Variants in CDH18 observed in about 807,000 individuals in gnomAD.
CDH18 encodes the protein cadherin 18, also known as cadherin-18.
A neutral mutation model predicts 67.9 loss-of-function variants in CDH18; 31 were observed. The observed-to-expected ratio is 0.46, with a 90% CI of 0.34 to 0.62. The LOEUF is 0.62. CDH18 is among the 20% of genes least tolerant of loss of function. The probability of loss-of-function intolerance (pLI) is 0.01; values close to 1 mark genes in which losing one functional copy is unlikely to be tolerated. For synonymous variants in CDH18, 362 were observed against 347.2 expected, an observed-to-expected ratio of 1.04 and a Z score of -0.48; for missense variants, 890 against 975.5, an observed-to-expected ratio of 0.91 and a Z score of 1.17.
At chr5:20,002,358 C>T (rs961406489) in intron 2 of CDH18, among the ~76,000 whole-genome samples, 3 of 152,158 alleles carry the variant, frequency 2.0e-5, no homozygotes, top group Non-Finnish European at 4.4e-5. Flanking sequence ...TAGAGACTAA[C>T]TTCAGTCAAA....
At chr5:19,479,684 T>A (rs975572471) in intron 12 of CDH18, among the ~76,000 whole-genome samples, 1 of 152,068 alleles carries the variant, frequency 6.6e-6, no homozygotes, top group Non-Finnish European at 1.5e-5. Context: ...ATATCTAGGA[T>A]AAGGAGCAGT....
At chr5:20,398,745 CTA>C (rs1745496964) in intron 1 of CDH18, among the ~76,000 whole-genome samples, 1 of 149,536 alleles carries the variant, frequency 6.7e-6, no homozygotes, top group Admixed American at 6.6e-5. Context: ...ACACGTATAC[CTA>C]CATAAAAAAC....
At chr5:20,491,640 C>T (rs1015709368) in intron 1 of CDH18, among the ~76,000 whole-genome samples, 8 of 152,262 alleles carry the variant, frequency 5.3e-5, no homozygotes, top group East Asian at 3.9e-4. Flanking sequence ...GCAGAATTTC[C>T]GCTTGCTCAA....
At chr5:20,455,842 C>G (rs969632428) in intron 1 of CDH18, among the ~76,000 whole-genome samples, 19 of 152,146 alleles carry the variant, frequency 1.2e-4, no homozygotes, top group Non-Finnish European at 2.2e-4. Flanking sequence ...TTATTCCTTT[C>G]TCATGTCTTT....
chr5:20,527,813 A>G (rs1316041267), intron 1 of CDH18, among the ~76,000 whole-genome samples: 1 of 152,266 alleles, frequency 6.6e-6, no homozygotes, highest in African/African-American at 2.4e-5. Context: ...AACACAGTGA[A>G]GTACACAGGC....
chr5:20,539,557 G>C (rs1378094102), intron 1 of CDH18, among the ~76,000 whole-genome samples: 1 of 152,106 alleles, frequency 6.6e-6, no homozygotes, highest in Non-Finnish European at 1.5e-5. Flanking sequence ...GGAGGTAATG[G>C]AAGTTGATGG....
intron 1 of CDH18, among the ~76,000 whole-genome samples, chr5:20,343,987 T>C (rs1306863227): frequency 6.6e-6 from 1 of 152,150 alleles, no homozygotes; most frequent in Non-Finnish European, 1.5e-5. Context: ...TCCAATGCAC[T>C]TGAGGAACCT....
At chr5:19,554,010 CT>C (rs1231033321) in intron 8 of CDH18, among the ~76,000 whole-genome samples, 1 of 151,956 alleles carries the variant, frequency 6.6e-6, no homozygotes, top group African/African-American at 2.4e-5. Flanking sequence ...TTATGATTCC[CT>C]TTGTTAACAT....
At chr5:20,559,882 A>C (rs1758105560) in intron 1 of CDH18, among the ~76,000 whole-genome samples, 1 of 152,128 alleles carries the variant, frequency 6.6e-6, no homozygotes, top group South Asian at 2.1e-4. Context: ...TTAATTAGGG[A>C]GATGTGCAGG....
At chr5:20,350,510 G>A (rs1044088436) in intron 1 of CDH18, among the ~76,000 whole-genome samples, 4 of 151,938 alleles carry the variant, frequency 2.6e-5, no homozygotes, top group Non-Finnish European at 5.9e-5. Context: ...CTTCATAAAG[G>A]TAATTACTTT....
intron 11 of CDH18, among the ~76,000 whole-genome samples, chr5:19,495,737 A>AG (rs1478514873): frequency 1.3e-5 from 2 of 148,646 alleles, no homozygotes; most frequent in Non-Finnish European, 1.5e-5. Flanking sequence ...AAAAAAAAAA[A>AG]AAAAAGAAAG....
chr5:19,479,243 A>T (rs1738994386), intron 12 of CDH18, among the ~76,000 whole-genome samples: 1 of 152,188 alleles, frequency 6.6e-6, no homozygotes, highest in Non-Finnish European at 1.5e-5. Context: ...CCATTTTCAC[A>T]AACAAGAAGC....
At chr5:20,274,139 A>G (rs1251188027) in intron 1 of CDH18, among the ~76,000 whole-genome samples, 2 of 152,162 alleles carry the variant, frequency 1.3e-5, no homozygotes, top group African/African-American at 4.8e-5. Context: ...AGAAAGGTAC[A>G]TATTAGAATG....
At chr5:20,516,022 T>A (rs1230303040) in intron 1 of CDH18, among the ~76,000 whole-genome samples, 1 of 152,042 alleles carries the variant, frequency 6.6e-6, no homozygotes, top group Non-Finnish European at 1.5e-5. Flanking sequence ...AGGCCTTTAA[T>A]GTAATGGGCT....
intron 1 of CDH18, among the ~76,000 whole-genome samples, chr5:20,431,477 G>T (rs1389449681): frequency 4.2e-5 from 5 of 120,186 alleles, no homozygotes. Flanking sequence ...CTGGGTGACA[G>T]AGTGAAACTC....
intron 1 of CDH18, among the ~76,000 whole-genome samples, chr5:20,540,014 G>T (rs62354272): frequency 4.9e-4 from 75 of 152,194 alleles, no homozygotes; most frequent in South Asian, 1.0e-3. Flanking sequence ...CTGCCTAAAA[G>T]TTTTATGTCT....
chr5:20,017,978 G>C (rs1411591535), intron 2 of CDH18, among the ~76,000 whole-genome samples: 1 of 152,104 alleles, frequency 6.6e-6, no homozygotes, highest in Non-Finnish European at 1.5e-5. Flanking sequence ...TTAAAGGCAG[G>C]CATGCATGAG....
chr5:20,341,841 C>T (rs1447232863), intron 1 of CDH18, among the ~76,000 whole-genome samples: 1 of 151,990 alleles, frequency 6.6e-6, no homozygotes, highest in African/African-American at 2.4e-5. Context: ...GCATATGACA[C>T]TCCTGATTCA....
intron 6 of CDH18, among the ~76,000 whole-genome samples, chr5:19,606,932 T>A (rs1173316723): frequency 6.6e-6 from 1 of 151,532 alleles, no homozygotes; most frequent in Non-Finnish European, 1.5e-5. Flanking sequence ...AGAAGAAAGG[T>A]CCAATAAACT....
Sources: allele counts gnomAD v4.1 joint callset (sites outside exome capture counted in the v4.1 genomes callset), GRCh38; gene constraint gnomAD v4.1.1; transcripts MANE v1.5; gene names NCBI Gene and HGNC (gene_info 2026-07-23, HGNC 2026-07-21).